CYYR1: variants seen among roughly 807,000 people sequenced by gnomAD.
CYYR1 encodes the protein cysteine and tyrosine rich 1.
CYYR1 carries 14 observed loss-of-function variants against 15.2 expected under a neutral mutation model. That is an observed-to-expected ratio of 0.92 (90% CI 0.61 to 1.44). The LOEUF is 1.44. Ranked by LOEUF, CYYR1 falls within the 40% of genes most tolerant of loss-of-function variation. CYYR1 has a pLI of 0.00. For missense variants in CYYR1, 228 were observed against 209.5 expected, an observed-to-expected ratio of 1.09 and a Z score of -0.54; for synonymous variants, 80 against 77.4, an observed-to-expected ratio of 1.03 and a Z score of -0.18.
At position 26,572,851 on chromosome 21, in the gene CYYR1, C is replaced by G; in HGVS notation, c.73+17G>C. ...GCCCCGAGCCTCTGACCCTCTCCGC[C>G]GCCCTCCGTCACTGACCTGCGTAGA... On this transcript the variant is annotated intron_variant, in intron 1 of 3. Coordinates refer to ENST00000652641, the MANE Select transcript of CYYR1 (RefSeq NM_001320768.2). 1 of 1,613,138 alleles carries G rather than the reference C, an allele frequency of 6.2e-7. No individual in the cohort carries two copies. Among genetic ancestry groups the G allele is most frequent in the Non-Finnish European group, 8.5e-7 (1 of 1,179,604 alleles).
intron 2 of CYYR1, among the ~76,000 whole-genome samples, chr21:26,503,082 C>T (rs1346715925): frequency 6.6e-6 from 1 of 152,054 alleles, no homozygotes; most frequent in Admixed American, 6.6e-5. Flanking sequence ...CTTTTTTAAA[C>T]AGGGCTCAAT....
rs897323761 is a variant in CYYR1 at position 26,541,320 on chromosome 21, G to A, written c.176+24946C>T. On this transcript the variant is annotated intron_variant, in intron 2 of 3. Coordinates refer to ENST00000652641, the MANE Select transcript of CYYR1 (RefSeq NM_001320768.2). ...AGACACCTTGAAAATATCACAATTCGATAGATAAAAACAAAAGATAAAGAG... is the reference window on the plus strand; with the variant it reads ...AGACACCTTGAAAATATCACAATTCAATAGATAAAAACAAAAGATAAAGAG... Among the ~76,000 whole-genome samples, 8 of 152,038 alleles carry A rather than the reference G, an allele frequency of 5.3e-5. No homozygotes were observed. In the East Asian group the frequency reaches 1.5e-3, roughly 29 times the overall value.
In CYYR1 at chr21:26,572,884, C is replaced by T; in HGVS notation, c.57G>A (p.Leu19=). 5 of 1,614,072 alleles carry T rather than the reference C, an allele frequency of 3.1e-6. No homozygotes were observed. Among genetic ancestry groups the T allele is most frequent in the Non-Finnish European group, 4.2e-6 (5 of 1,180,014 alleles). The change falls in exon 1 of 4, where the codon CTG becomes CTA. Residue 19 remains leucine (L), a synonymous_variant. Coordinates refer to ENST00000652641, the MANE Select transcript of CYYR1 (RefSeq NM_001320768.2). ...RPGVLLPKLV[L]LFVYADDCLA... is the part of the protein sequence containing the mutation. Reference sequence around the variant, plus strand: ...GTCACTGACCTGCGTAGACAAAGAGCAGGACCAACTTCGGAAGCAAGACCC... The same window carrying T: ...GTCACTGACCTGCGTAGACAAAGAGTAGGACCAACTTCGGAAGCAAGACCC...
chr21:26,521,572 C>T (rs2065804245), intron 2 of CYYR1, among the ~76,000 whole-genome samples: 1 of 152,136 alleles, frequency 6.6e-6, no homozygotes, highest in African/African-American at 2.4e-5. Context: ...AAATAATGAC[C>T]TACTTTATCT....
chr21:26,480,565 C>CTTT (rs140733070), intron 2 of CYYR1, 136 bp from the exon 3 acceptor site: 150 of 592,760 alleles, frequency 2.5e-4, no homozygotes, highest in African/African-American at 7.2e-4. Context: ...TTTTTCTTTT[C>CTTT]TTTTTTTTTT....
intron 2 of CYYR1, chr21:26,482,399 T>C (rs1287822403): frequency 1.0e-6 from 1 of 985,216 alleles, no homozygotes; most frequent in African/African-American, 1.7e-5. Context: ...GTAAAATAGC[T>C]TATCAGTTCT....
chr21:26,478,604 C>T (rs1377099783), intron 3 of CYYR1, among the ~76,000 whole-genome samples: 1 of 152,062 alleles, frequency 6.6e-6, no homozygotes, highest in African/African-American at 2.4e-5. Context: ...AATGGGGAAC[C>T]GCTGGAAGAT....
At chr21:26,492,944 G>T (rs149500938) in intron 2 of CYYR1, among the ~76,000 whole-genome samples, 134 of 152,132 alleles carry the variant, frequency 8.8e-4, no homozygotes, top group African/African-American at 3.2e-3. Flanking sequence ...GAGTGTGTGT[G>T]AGTAGAGATT....
intron 2 of CYYR1, among the ~76,000 whole-genome samples, chr21:26,496,831 G>A (rs907930895): frequency 5.9e-5 from 9 of 152,118 alleles, no homozygotes; most frequent in Admixed American, 5.2e-4. Context: ...TCTAACCCAC[G>A]TTCAGCAAGG....
intron 2 of CYYR1, among the ~76,000 whole-genome samples, chr21:26,530,332 T>TAAA (rs777627192): frequency 2.0e-5 from 3 of 152,112 alleles, no homozygotes; most frequent in Non-Finnish European, 2.9e-5. Flanking sequence ...TAAATAACTA[T>TAAA]AAAAATCATT....
chr21:26,553,567 C>T (rs1569173937), intron 2 of CYYR1, among the ~76,000 whole-genome samples: 3 of 152,090 alleles, frequency 2.0e-5, no homozygotes, highest in Non-Finnish European at 4.4e-5. Flanking sequence ...AGTCCAAAGT[C>T]GAGTAACAGA....
intron 2 of CYYR1, among the ~76,000 whole-genome samples, chr21:26,521,307 C>T (rs1351414909): frequency 2.6e-5 from 4 of 152,154 alleles, no homozygotes; most frequent in African/African-American, 9.7e-5. Flanking sequence ...TTGGTTTCCC[C>T]ATCAAATAAC....
intron 2 of CYYR1, among the ~76,000 whole-genome samples, chr21:26,539,830 A>G (rs545820255): frequency 1.3e-5 from 2 of 152,322 alleles, no homozygotes; most frequent in South Asian, 2.1e-4. Context: ...GAGGAAGTAC[A>G]GATAGACATT....
At chr21:26,487,973 C>CTTTTTTT (rs5843237) in intron 2 of CYYR1, among the ~76,000 whole-genome samples, 1 of 146,220 alleles carries the variant, frequency 6.8e-6, no homozygotes. Context: ...TTTTATTTTG[C>CTTTTTTT]TTTTTTTTTT....
intron 2 of CYYR1, among the ~76,000 whole-genome samples, chr21:26,486,367 A>T (rs1057243226): frequency 6.6e-6 from 1 of 151,962 alleles, no homozygotes; most frequent in Admixed American, 6.6e-5. Context: ...ACTTTCTCCT[A>T]TGCTTCTTTC....
At chr21:26,555,897 T>C (rs1979742286) in intron 2 of CYYR1, among the ~76,000 whole-genome samples, 1 of 152,154 alleles carries the variant, frequency 6.6e-6, no homozygotes, top group South Asian at 2.1e-4. Flanking sequence ...CAACAAAACA[T>C]TTTATCTCCA....
At chr21:26,526,641 A>G (rs748515908) in intron 2 of CYYR1, among the ~76,000 whole-genome samples, 45 of 152,216 alleles carry the variant, frequency 3.0e-4, no homozygotes, top group Non-Finnish European at 6.0e-4. Context: ...TAATGAATGA[A>G]TTCTAATGCC....
At chr21:26,516,893 A>C (rs950453749) in intron 2 of CYYR1, among the ~76,000 whole-genome samples, 1 of 151,822 alleles carries the variant, frequency 6.6e-6, no homozygotes, top group Non-Finnish European at 1.5e-5. Flanking sequence ...AGGCGGGCGG[A>C]TCACGAGGTC....
In CYYR1 at chr21:26,468,528, A is replaced by C. The variant is rs769950987; in HGVS notation, c.441T>G (p.Pro147=). Reference sequence around the variant, plus strand: ...ATTTCCTTGCGTTTCCAGGATAAGGAGGGGGTGGAGAACGCTGTGCTGGAC... The same window carrying C: ...ATTTCCTTGCGTTTCCAGGATAAGGCGGGGGTGGAGAACGCTGTGCTGGAC... ...PQGPAQRSPP[P]PYPGNARK is the part of the protein sequence containing the mutation. Residue 147 remains proline, a synonymous_variant, in exon 4 of 4, where the codon CCT becomes CCG. Transcript: ENST00000652641. The C allele has an allele frequency of 3.1e-6, 5 of 1,601,130 alleles. No individual in the cohort carries two copies. The East Asian group carries it at 1.1e-4, about 36-fold the overall frequency.
Sources: gnomAD v4.1 joint callset for allele counts (sites outside exome capture counted in the v4.1 genomes callset) on GRCh38, gnomAD v4.1.1 for gene constraint, MANE v1.5 for transcripts, NCBI Gene and HGNC (gene_info 2026-07-23, HGNC 2026-07-21) for gene names.